Variants in NXPH1 observed in about 807,000 individuals in gnomAD.
NXPH1 encodes neurexophilin 1, also known as neurexophilin-1.
A neutral mutation model predicts 23.7 loss-of-function variants in NXPH1; 5 were observed. The observed-to-expected ratio is 0.21, with a 90% confidence interval of 0.11 to 0.44. The LOEUF is 0.44. Ranked by LOEUF, NXPH1 falls within the 20% of genes least tolerant of loss-of-function variation. The pLI, the probability that NXPH1 is intolerant of heterozygous loss-of-function variation, is 0.99. For missense variants in NXPH1, 324 were observed against 321.6 expected (o/e 1.01, Z -0.06); for synonymous variants, 144 against 122.2 (o/e 1.18, Z -1.18).
chr7:8,469,453 T>C (rs1169085220), intron 2 of NXPH1, among the ~76,000 whole-genome samples: 1 of 152,030 alleles, frequency 6.6e-6, no homozygotes, highest in Non-Finnish European at 1.5e-5. Context: ...TCAACTAGGA[T>C]CTAATGACAG....
rs182849189 is a variant in NXPH1 at position 8,535,033 on chromosome 7, C to G, written c.54+99266C>G. ...ATATCATTTAATATTTAGACATGCC[C>G]AAATCAATGAAAGTAAAGTGCAGTG... On this transcript the variant is annotated intron_variant, in intron 2 of 2. Transcript: ENST00000405863. 6.6e-5 allele frequency among the ~76,000 whole-genome samples: 10 copies of G among 152,030 alleles called. No homozygotes were observed. The East Asian group carries it at 1.9e-3, about 30-fold the overall frequency.
chr7:8,634,598 G>A (rs1820187219), intron 2 of NXPH1, among the ~76,000 whole-genome samples: 1 of 149,410 alleles, frequency 6.7e-6, no homozygotes, highest in Non-Finnish European at 1.5e-5. Flanking sequence ...AAAGCAAGAG[G>A]TATAAAATTC....
At chr7:8,473,696 A>G (rs1314324078) in intron 2 of NXPH1, among the ~76,000 whole-genome samples, 1 of 149,932 alleles carries the variant, frequency 6.7e-6, no homozygotes, top group East Asian at 1.9e-4. Flanking sequence ...ATTCTAAGGC[A>G]GTACACAGTG....
At chr7:8,659,294 A>G (rs1431033926) in intron 2 of NXPH1, among the ~76,000 whole-genome samples, 1 of 152,228 alleles carries the variant, frequency 6.6e-6, no homozygotes. Context: ...GGATGCCTTC[A>G]GTATTTAGGG....
chr7:8,606,730 G>A (rs1264536933), intron 2 of NXPH1, among the ~76,000 whole-genome samples: 1 of 152,014 alleles, frequency 6.6e-6, no homozygotes, highest in Admixed American at 6.6e-5. Flanking sequence ...CAGGGTCTTT[G>A]GTTCAAATCT....
At chr7:8,488,542 C>T (rs780566416) in intron 2 of NXPH1, among the ~76,000 whole-genome samples, 58 of 152,192 alleles carry the variant, frequency 3.8e-4, no homozygotes, top group Admixed American at 9.8e-4. Context: ...CAACCATGGC[C>T]GCTTATAGTG....
chr7:8,516,029 C>G (rs543187444), intron 2 of NXPH1, among the ~76,000 whole-genome samples: 1 of 152,184 alleles, frequency 6.6e-6, no homozygotes, highest in East Asian at 1.9e-4. Context: ...TTTCTGCCAC[C>G]AAACCTTCGA....
At chr7:8,539,777 C>T (rs1162455592) in intron 2 of NXPH1, among the ~76,000 whole-genome samples, 6 of 151,630 alleles carry the variant, frequency 4.0e-5, no homozygotes, top group Admixed American at 2.6e-4. Context: ...AAATAGATAC[C>T]ATAATAATGC....
intron 2 of NXPH1, among the ~76,000 whole-genome samples, chr7:8,638,892 C>A (rs77506919): frequency 6.6e-5 from 10 of 152,066 alleles, no homozygotes; most frequent in African/African-American, 2.4e-4. Flanking sequence ...TAGACCTTGG[C>A]TTGAATTACC....
intron 2 of NXPH1, among the ~76,000 whole-genome samples, chr7:8,550,578 G>C (rs1274796368): frequency 1.3e-5 from 2 of 151,266 alleles, no homozygotes; most frequent in Non-Finnish European, 3.0e-5. Flanking sequence ...CTTTATATCA[G>C]AAATAATAAC....
intron 2 of NXPH1, among the ~76,000 whole-genome samples, chr7:8,478,506 G>C (rs1207248912): frequency 6.6e-6 from 1 of 151,924 alleles, no homozygotes; most frequent in Non-Finnish European, 1.5e-5. Flanking sequence ...AAATGAAGAA[G>C]TAAAGTTTTT....
At chr7:8,439,199 G>C (rs1816249224) in intron 2 of NXPH1, among the ~76,000 whole-genome samples, 1 of 152,174 alleles carries the variant, frequency 6.6e-6, no homozygotes, top group Non-Finnish European at 1.5e-5. Context: ...ATGATACAAT[G>C]GGATGGCAGG....
At chr7:8,529,321 C>G (rs889308031) in intron 2 of NXPH1, among the ~76,000 whole-genome samples, 2 of 152,312 alleles carry the variant, frequency 1.3e-5, no homozygotes, top group South Asian at 2.1e-4. Context: ...GATATGGCAC[C>G]AGGGGGCCAA....
intron 2 of NXPH1, among the ~76,000 whole-genome samples, chr7:8,604,457 T>C (rs1236509477): frequency 6.6e-6 from 1 of 152,166 alleles, no homozygotes; most frequent in Non-Finnish European, 1.5e-5. Context: ...GCGCTATTCC[T>C]GCTTTCTTAC....
intron 2 of NXPH1, among the ~76,000 whole-genome samples, chr7:8,742,874 G>T (rs1780390674): frequency 6.6e-6 from 1 of 152,292 alleles, no homozygotes. Context: ...CTTACCAGCA[G>T]TGATTTTGGA....
intron 2 of NXPH1, among the ~76,000 whole-genome samples, chr7:8,558,201 G>A (rs1818390889): frequency 6.6e-6 from 1 of 151,270 alleles, no homozygotes; most frequent in Non-Finnish European, 1.5e-5. Flanking sequence ...GCTTTCAAGA[G>A]TCAAAATTGT....
intron 2 of NXPH1, among the ~76,000 whole-genome samples, chr7:8,590,316 T>A (rs1819065477): frequency 6.6e-6 from 1 of 152,134 alleles, no homozygotes; most frequent in African/African-American, 2.4e-5. Context: ...GGTAAAGACT[T>A]GTTTTAATTA....
At chr7:8,457,849 GA>G (rs564413319) in intron 2 of NXPH1, among the ~76,000 whole-genome samples, 3 of 151,500 alleles carry the variant, frequency 2.0e-5, no homozygotes, top group East Asian at 1.9e-4. Context: ...TAAAATAATT[GA>G]AAAAAAAGTT....
chr7:8,560,364 C>T (rs1487783898), intron 2 of NXPH1, among the ~76,000 whole-genome samples: 1 of 151,638 alleles, frequency 6.6e-6, no homozygotes, highest in Non-Finnish European at 1.5e-5. Flanking sequence ...TTCTAAAGAA[C>T]ACACTCTAAT....
Sources: gnomAD v4.1 joint callset for allele counts (sites outside exome capture counted in the v4.1 genomes callset) on GRCh38, gnomAD v4.1.1 for gene constraint, MANE v1.5 for transcripts, NCBI Gene and HGNC (gene_info 2026-07-23, HGNC 2026-07-21) for gene names.